The following DIP2C variants were observed in gnomAD, a reference collection of about 807,000 sequenced individuals.
DIP2C encodes disco-interacting protein 2 homolog C.
A neutral mutation model predicts 192.4 loss-of-function variants in DIP2C; 33 were observed. The ratio of observed to expected loss-of-function variants is 0.17; its 90% confidence interval spans 0.13 to 0.23. The LOEUF (loss-of-function observed/expected upper bound fraction) is 0.23, where lower values mean the gene tolerates loss of function less well. Among genes scored for constraint, DIP2C ranks in the 10% least tolerant of loss-of-function variants. The pLI is 1.00. For missense variants in DIP2C, 1,537 were observed against 2,110.1 expected (o/e 0.73, Z 5.32); for synonymous variants, 979 against 864.1 (o/e 1.13, Z -2.33).
chr10:321,603 GC>G (rs1564551580), intron 31 of DIP2C, among the ~76,000 whole-genome samples: 20 of 143,126 alleles, frequency 1.4e-4, no homozygotes, highest in African/African-American at 4.3e-4. Flanking sequence ...AGAGACCGGC[GC>G]TGTTAGAACA....
chr10:559,904 GAC>G (rs899929549), intron 1 of DIP2C, among the ~76,000 whole-genome samples: 1 of 152,162 alleles, frequency 6.6e-6, no homozygotes, highest in African/African-American at 2.4e-5. Flanking sequence ...ACCTAAAACA[GAC>G]ACAGGAATTC....
intron 1 of DIP2C, among the ~76,000 whole-genome samples, chr10:502,339 G>C (rs982505757): frequency 1.2e-4 from 18 of 152,134 alleles, no homozygotes; most frequent in Non-Finnish European, 2.4e-4. Context: ...ACCACCATGA[G>C]TGTTCAAAGG....
intron 1 of DIP2C, among the ~76,000 whole-genome samples, chr10:627,981 T>C (rs556035989): frequency 1.1e-4 from 16 of 152,240 alleles, no homozygotes; most frequent in Non-Finnish European, 2.4e-4. Flanking sequence ...GGTACTAAAA[T>C]GCAGCATCGG....
intron 1 of DIP2C, among the ~76,000 whole-genome samples, chr10:537,062 G>T (rs954192651): frequency 6.6e-6 from 1 of 152,218 alleles, no homozygotes; most frequent in Non-Finnish European, 1.5e-5. Context: ...ACCCTGTCAG[G>T]CAGCCTGAAG....
At chr10:620,490 C>T (rs1853788400) in intron 1 of DIP2C, among the ~76,000 whole-genome samples, 1 of 152,190 alleles carries the variant, frequency 6.6e-6, no homozygotes, top group Non-Finnish European at 1.5e-5. Context: ...GGGAGAAGCC[C>T]TGGGCTATGG....
chr10:515,430 T>C (rs1371706684), intron 1 of DIP2C, among the ~76,000 whole-genome samples: 3 of 152,202 alleles, frequency 2.0e-5, no homozygotes, highest in Non-Finnish European at 4.4e-5. Context: ...ATTTAAAAGA[T>C]GTCAGGATCG....
chr10:662,029 C>T, intron 1 of DIP2C: 1 of 715,834 alleles, frequency 1.4e-6, no homozygotes, highest in Non-Finnish European at 2.6e-6. Flanking sequence ...CCCGCAGGAG[C>T]CTGGCCTGTC....
intron 1 of DIP2C, among the ~76,000 whole-genome samples, chr10:600,871 T>G (rs770166838): frequency 6.6e-6 from 1 of 151,474 alleles, no homozygotes; most frequent in African/African-American, 2.4e-5. Context: ...TCAAAGCTTT[T>G]TCTGTAACAA....
At chr10:532,562 AG>A (rs1564824423) in intron 1 of DIP2C, among the ~76,000 whole-genome samples, 4 of 130,162 alleles carry the variant, frequency 3.1e-5, no homozygotes, top group African/African-American at 1.2e-4. Flanking sequence ...TATGGGTGAG[AG>A]AGAGAGTATG....
chr10:340,236 C>A (rs1432389766), intron 29 of DIP2C, among the ~76,000 whole-genome samples: 4 of 151,202 alleles, frequency 2.6e-5, no homozygotes, highest in Non-Finnish European at 5.9e-5. Context: ...TAACCAATTT[C>A]ATACTGTAGC....
At chr10:378,880 C>T (rs117147925) in intron 17 of DIP2C, among the ~76,000 whole-genome samples, 3 of 150,918 alleles carry the variant, frequency 2.0e-5, no homozygotes, top group African/African-American at 4.9e-5. Flanking sequence ...CCTAGACACA[C>T]GTGAACACAG....
Position 636,948 on chromosome 10 carries a change from C to A in DIP2C, c.85+52546G>T, listed in dbSNP as rs1471144167. On this transcript the variant is annotated intron_variant, in intron 1 of 36. Coordinates refer to ENST00000280886, the MANE Select transcript of DIP2C (RefSeq NM_014974.3). The surrounding 1 kb of genome is among the most constrained non-coding windows in gnomAD (Gnocchi z 4.6). ...CTGCTCCCCGACGGCATAGCTGCGA[C>A]CGGCACCACATGGGACTCGTGTGCA... is the stretch of plus-strand genomic sequence containing the variant. Among the ~76,000 whole-genome samples the A allele has an allele frequency of 6.6e-6, 1 of 152,252 alleles. No individual in the cohort carries two copies. Among genetic ancestry groups the A allele is most frequent in the Non-Finnish European group, 1.5e-5 (1 of 68,046 alleles).
intron 4 of DIP2C, among the ~76,000 whole-genome samples, chr10:429,253 C>T (rs1241011000): frequency 3.7e-5 from 1 of 27,020 alleles, no homozygotes; most frequent in Non-Finnish European, 6.5e-5. Flanking sequence ...GCTGCCTCCC[C>T]CCCGGACCCT....
chr10:645,005 A>C (rs892721040), intron 1 of DIP2C, among the ~76,000 whole-genome samples: 2 of 152,244 alleles, frequency 1.3e-5, no homozygotes, highest in Non-Finnish European at 2.9e-5. Flanking sequence ...GAGGCACCTA[A>C]AAGCTGGATG....
intron 32 of DIP2C, among the ~76,000 whole-genome samples, chr10:292,673 G>A (rs374443396): frequency 9.9e-5 from 15 of 152,232 alleles, no homozygotes; most frequent in Admixed American, 5.9e-4. Context: ...TTCTTCATTC[G>A]TGCCTCCTGG....
chr10:612,431 AAAG>A (rs1436424129), intron 1 of DIP2C, among the ~76,000 whole-genome samples: 2 of 152,220 alleles, frequency 1.3e-5, no homozygotes, highest in African/African-American at 4.8e-5. Flanking sequence ...ATGAAGATGG[AAAG>A]AAGTTCCCCA....
chr10:654,878 C>T (rs927713281), intron 1 of DIP2C, among the ~76,000 whole-genome samples: 7 of 152,174 alleles, frequency 4.6e-5, no homozygotes, highest in East Asian at 1.9e-4. Flanking sequence ...CCATTCTCTA[C>T]GATACAATAT....
chr10:348,819 C>T (rs752089476), intron 25 of DIP2C, 57 bp from the exon 26 acceptor site: 1 of 1,592,096 alleles, frequency 6.3e-7, no homozygotes, highest in Non-Finnish European at 8.5e-7. Flanking sequence ...AGTGCACACT[C>T]TCCCTGTCAG....
chr10:610,721 G>C (rs1377697472), intron 1 of DIP2C, among the ~76,000 whole-genome samples: 1 of 151,956 alleles, frequency 6.6e-6, no homozygotes, highest in African/African-American at 2.4e-5. Context: ...GGCCCTGGTG[G>C]GCGGTGACTG....
Sources: allele counts gnomAD v4.1 joint callset (sites outside exome capture counted in the v4.1 genomes callset), GRCh38; gene constraint gnomAD v4.1.1; non-coding constraint Gnocchi (gnomAD v3.1); transcripts MANE v1.5; gene names NCBI Gene and HGNC (gene_info 2026-07-23, HGNC 2026-07-21).